IQCJ: variants seen among roughly 807,000 people sequenced by gnomAD.
IQCJ encodes the protein IQ domain-containing protein J.
IQCJ carries 9 observed loss-of-function variants against 11.0 expected under a neutral mutation model. The ratio of observed to expected loss-of-function variants is 0.82; its 90% CI spans 0.49 to 1.43. The LOEUF is 1.43. IQCJ is among the 40% of genes most tolerant of loss of function. The pLI, the probability that IQCJ is intolerant of heterozygous loss-of-function variation, is 0.00. For synonymous variants in IQCJ, 55 were observed against 51.3 expected, an observed-to-expected ratio of 1.07 and a Z score of -0.31; for missense variants, 146 against 133.2, an observed-to-expected ratio of 1.10 and a Z score of -0.47.
rs1453477295 is a variant in IQCJ, at chr3:159,151,645, A to AT, written c.9+82212dup. 5.3e-5 allele frequency among the ~76,000 whole-genome samples: 8 copies of AT among 152,142 alleles called. No homozygotes were observed. In the South Asian group the frequency reaches 6.2e-4, roughly 12 times the overall value. On this transcript the variant is annotated intron_variant, in intron 1 of 3. Coordinates refer to ENST00000397832, the MANE Select transcript of IQCJ (RefSeq NM_001042706.3). The stretch of plus-strand genomic sequence containing the variant: ...CAAAATTTAAGGAGAGTCAGACTAG[A>AT]TTTTTTTTGAGACGGAGTCTCGCTC...
chr3:159,140,685 C>T (rs1429184953), intron 1 of IQCJ, among the ~76,000 whole-genome samples: 1 of 152,172 alleles, frequency 6.6e-6, no homozygotes, highest in Admixed American at 6.5e-5. Context: ...ATTTGCTACA[C>T]AGCAACTGTG....
intron 3 of IQCJ, among the ~76,000 whole-genome samples, chr3:159,257,763 C>T (rs1200421635): frequency 2.0e-5 from 3 of 152,200 alleles, no homozygotes; most frequent in Non-Finnish European, 4.4e-5. Context: ...AACTAACAGA[C>T]TGAAATAAGT....
intron 1 of IQCJ, among the ~76,000 whole-genome samples, chr3:159,172,306 A>C (rs75946357): frequency 0.021 from 3,228 of 152,284 alleles, 84 homozygotes; most frequent in African/African-American, 0.073. Flanking sequence ...TTCTGATTTA[A>C]ATCTGAATAA....
At chr3:159,248,709 G>C (rs1727416252) in intron 2 of IQCJ, among the ~76,000 whole-genome samples, 1 of 152,132 alleles carries the variant, frequency 6.6e-6, no homozygotes, top group South Asian at 2.1e-4. Context: ...ACACGGAGTT[G>C]GGGTTGAGAA....
chr3:159,123,884 T>G (rs1216973861), intron 1 of IQCJ, among the ~76,000 whole-genome samples: 9 of 152,154 alleles, frequency 5.9e-5, no homozygotes, highest in Non-Finnish European at 1.3e-4. Context: ...TATGGGAATA[T>G]TAGAGACAGA....
intron 1 of IQCJ, among the ~76,000 whole-genome samples, chr3:159,102,408 G>A (rs748983058): frequency 2.0e-5 from 3 of 152,146 alleles, no homozygotes; most frequent in East Asian, 3.9e-4. Flanking sequence ...GATTGGGTAC[G>A]GTAAAAGCTT....
chr3:159,244,604 G>A (rs944072354), intron 1 of IQCJ, among the ~76,000 whole-genome samples: 3 of 152,168 alleles, frequency 2.0e-5, no homozygotes, highest in Non-Finnish European at 4.4e-5. Context: ...ACATAATTAA[G>A]GGTATATTCA....
intron 1 of IQCJ, among the ~76,000 whole-genome samples, chr3:159,102,170 T>C (rs1466586806): frequency 1.3e-5 from 2 of 152,244 alleles, no homozygotes; most frequent in African/African-American, 4.8e-5. Flanking sequence ...GTCAGGCTAA[T>C]AAGATAATCT....
intron 1 of IQCJ, among the ~76,000 whole-genome samples, chr3:159,142,730 T>C (rs1186669792): frequency 6.6e-6 from 1 of 152,176 alleles, no homozygotes; most frequent in Non-Finnish European, 1.5e-5. Context: ...GGGGCAGGTC[T>C]TTTATTTTAT....
chr3:159,209,534 A>G (rs1218742592), intron 1 of IQCJ, among the ~76,000 whole-genome samples: 1 of 152,140 alleles, frequency 6.6e-6, no homozygotes, highest in Non-Finnish European at 1.5e-5. Flanking sequence ...TGAGCTGGTT[A>G]ACACTTAGCT....
At chr3:159,130,998 C>G (rs1304287522) in intron 1 of IQCJ, among the ~76,000 whole-genome samples, 1 of 152,106 alleles carries the variant, frequency 6.6e-6, no homozygotes, top group Non-Finnish European at 1.5e-5. Context: ...TCCTACCTCT[C>G]AGGATTATTC....
intron 1 of IQCJ, among the ~76,000 whole-genome samples, chr3:159,105,782 G>A (rs527905206): frequency 5.9e-5 from 9 of 152,290 alleles, no homozygotes; most frequent in African/African-American, 2.2e-4. Flanking sequence ...ACATGTGGGA[G>A]TAGAGGAGAT....
At chr3:159,169,279 C>CTTTTTTTTTTTTT (rs141888128) in intron 1 of IQCJ, among the ~76,000 whole-genome samples, 2 of 56,390 alleles carry the variant, frequency 3.5e-5, no homozygotes, top group South Asian at 9.2e-4. Flanking sequence ...TTCTTTCTTT[C>CTTTTTTTTTTTTT]TTTTTTTTTT....
chr3:159,149,959 C>T (rs186070094), intron 1 of IQCJ, among the ~76,000 whole-genome samples: 2 of 152,296 alleles, frequency 1.3e-5, no homozygotes, highest in Non-Finnish European at 2.9e-5. Flanking sequence ...TCCCATCCAC[C>T]AGGAAGATTC....
At chr3:159,117,814 A>G (rs533357692) in intron 1 of IQCJ, among the ~76,000 whole-genome samples, 1 of 152,172 alleles carries the variant, frequency 6.6e-6, no homozygotes, top group Admixed American at 6.5e-5. Context: ...ACACAATAAT[A>G]TTACCAGCTT....
At chr3:159,245,771 A>C (rs1727234142) in intron 1 of IQCJ, 72 bp from the exon 2 acceptor site, 1 of 1,319,450 alleles carries the variant, frequency 7.6e-7, no homozygotes, top group Non-Finnish European at 1.1e-6. Flanking sequence ...TTTTGCTAAC[A>C]GTTATGCTTG....
At chr3:159,124,554 G>T (rs1719561626) in intron 1 of IQCJ, among the ~76,000 whole-genome samples, 1 of 152,036 alleles carries the variant, frequency 6.6e-6, no homozygotes, top group Admixed American at 6.6e-5. Flanking sequence ...GAGATAAGCA[G>T]GTTCCCCTGA....
intron 2 of IQCJ, among the ~76,000 whole-genome samples, chr3:159,251,179 A>G (rs930292528): frequency 2.6e-5 from 4 of 152,074 alleles, no homozygotes; most frequent in African/African-American, 7.2e-5. Flanking sequence ...GTGCTCTCCT[A>G]TGTTTTCCCT....
rs879289391 is a variant in IQCJ, at chr3:159,086,373, TG to T, written c.9+16934del. On this transcript the variant is annotated intron_variant, in intron 1 of 3. Coordinates refer to ENST00000397832, the MANE Select transcript of IQCJ (RefSeq NM_001042706.3). ...TGTGATGCCTCCAGCTTTGTTCTTTTGGCTTAGGATTGACTTGGCGATGCGT... is the reference window on the plus strand; with the variant it reads ...TGTGATGCCTCCAGCTTTGTTCTTTTGCTTAGGATTGACTTGGCGATGCGT... Among the ~76,000 whole-genome samples, 628 of 152,310 alleles carry T rather than the reference TG, an allele frequency of 4.1e-3. 4 individuals carry two copies. Among genetic ancestry groups the T allele is most frequent in the Non-Finnish European group, 6.8e-3 (462 of 68,028 alleles).
Sources: allele counts gnomAD v4.1 joint callset (sites outside exome capture counted in the v4.1 genomes callset), GRCh38; gene constraint gnomAD v4.1.1; transcripts MANE v1.5; gene names NCBI Gene and HGNC (gene_info 2026-07-23, HGNC 2026-07-21).